Variants in ZNF534 observed in about 807,000 individuals in gnomAD.
ZNF534 encodes the protein KRAB domain only 3.
ZNF534 carries 19 observed loss-of-function variants against 13.6 expected under a neutral mutation model. The ratio of observed to expected loss-of-function variants is 1.40; its 90% CI spans 0.97 to 2.05. ZNF534 has a LOEUF of 2.05. ZNF534 is among the 30% of genes most tolerant of loss of function. The pLI, the probability that ZNF534 is intolerant of heterozygous loss-of-function variation, is 0.00. For missense variants in ZNF534, 782 were observed against 796.3 expected, an observed-to-expected ratio of 0.98 and a Z score of 0.22; for synonymous variants, 244 against 273.8, an observed-to-expected ratio of 0.89 and a Z score of 1.07.
In ZNF534 at chr19:52,441,473, G is replaced by A. The variant is rs1015746213; in HGVS notation, c.*2027G>A. 9.2e-5 allele frequency among the ~76,000 whole-genome samples: 14 copies of A among 152,242 alleles called. No individual in the cohort carries two copies. Among genetic ancestry groups the A allele is most frequent in the African/African-American group, 3.4e-4 (14 of 41,534 alleles). ...GAGGCTGCAGTGAGTCATGTTTGCA[G>A]TACTGCACTCCAGCCTGGGTGACAG... On this transcript the variant is annotated 3_prime_UTR_variant, in exon 5 of 5. Transcript: ENST00000433050.
Position 52,438,985 on chromosome 19 carries a change from C to T in ZNF534, c.1525C>T (p.Leu509Phe). ...CAAGGTCTTCCGTCAGAATTCACAC[C>T]TTGCACAACATAGGGATATTCATAC... is the stretch of plus-strand genomic sequence containing the variant. ...CGKVFRQNSH[L>F]AQHRDIHTGE... Residue 509 changes from leucine to phenylalanine, a missense_variant, in exon 5 of 5, where the codon CTT (leucine) becomes TTT (phenylalanine). Leu to Phe is a conservative substitution (Grantham distance 22). Coordinates refer to ENST00000433050, the MANE Select transcript of ZNF534 (RefSeq NM_001143938.3). 6.2e-7 allele frequency: 1 copy of T among 1,604,326 alleles called. No homozygotes were observed. The highest frequency in any genetic ancestry group is 8.5e-7 in the Non-Finnish European group (1 of 1,174,874).
Position 52,439,560 on chromosome 19 carries a change from G to A in ZNF534, c.*114G>A, listed in dbSNP as rs1168816857. ...AGATTGAGACCATCCTGGCTAACAC[G>A]GTGAAACCCCATCTCTACTAAAAAT... On this transcript the variant is annotated 3_prime_UTR_variant, in exon 5 of 5. Coordinates refer to ENST00000433050, the MANE Select transcript of ZNF534 (RefSeq NM_001143938.3). 73 of 954,790 alleles carry A rather than the reference G, an allele frequency of 7.6e-5. 1 individual carries two copies. The highest frequency in any genetic ancestry group is 2.6e-4 in the South Asian group (12 of 45,390). 59.1% of individuals were successfully genotyped at this position (954,790 alleles called of 1,614,324 possible). A position where few individuals can be genotyped will look rare whatever the true frequency, so the allele number is the denominator to read the frequency against.
At chr19:52,430,457 A>G (rs1467083377) in intron 1 of ZNF534, among the ~76,000 whole-genome samples, 3 of 152,136 alleles carry the variant, frequency 2.0e-5, no homozygotes, top group Non-Finnish European at 4.4e-5. Context: ...AAAGGATTCT[A>G]CTATAGTCTA....
At position 52,437,854 on chromosome 19, in the gene ZNF534, T is replaced by C. The variant is rs755817570; in HGVS notation, c.394T>C (p.Cys132Arg). The change falls in exon 5 of 5, where the codon TGT becomes CGT. Residue 132 changes from cysteine to arginine, a missense_variant. Around this residue, in one of 5 missense-constraint regions of ZNF534, gnomAD observed 591 missense variants for 574.0 expected, o/e 1.03. Transcript: ENST00000433050. ...TCAAGCTGTAAGGAATATTTATGGA[T>C]GTAAGCATGTTGAGAAATCTATCAG... ...PFQAVRNIYGCKHVEKSISDN... is the reference protein window; with the variant it reads ...PFQAVRNIYGRKHVEKSISDN... 1 of 1,613,848 alleles carries C rather than the reference T, an allele frequency of 6.2e-7. No homozygotes were observed. The highest frequency in any genetic ancestry group is 2.2e-5 in the East Asian group (1 of 44,868).
exon 5 of ZNF534, chr19:52,451,916 AG>A: frequency 1.9e-6 from 1 of 515,624 alleles, no homozygotes; most frequent in East Asian, 4.4e-5. Context: ...GGGGATCAGG[AG>A]GTTTTGGCTC....
At chr19:52,450,683 T>C (rs1208191112) in intron 4 of ZNF534, among the ~76,000 whole-genome samples, 14 of 16,052 alleles carry the variant, frequency 8.7e-4, no homozygotes, top group East Asian at 7.9e-3. Context: ...TTTTTTTTTT[T>C]TGTTTTTGTT....
rs541520247 is a variant in ZNF534, at chr19:52,434,381, C to T, written c.142+300C>T. 2.2e-3 allele frequency among the ~76,000 whole-genome samples: 308 copies of T among 140,620 alleles called. 3 individuals carry two copies. The highest frequency in any genetic ancestry group is 7.8e-3 in the African/African-American group (295 of 37,642). The allele number at this position is 140,620 out of a possible 152,430, so 92.3% of individuals were successfully genotyped here. A position where few individuals can be genotyped will look rare whatever the true frequency, so the allele number is the denominator to read the frequency against. On this transcript the variant is annotated intron_variant, in intron 3 of 4. Transcript: ENST00000433050. ...TCGGGAGGCTGAGACAGGAGAATGG[C>T]GTGAACCCGGGAGGCGGAGCTTGCA...
intron 3 of ZNF534, 61 bp downstream of exon 3, chr19:52,434,142 C>T (rs907859189): frequency 6.4e-7 from 1 of 1,574,004 alleles, no homozygotes; most frequent in South Asian, 1.2e-5. Flanking sequence ...TGCATTTTCT[C>T]TTGTGTGTCT....
rs2059152892 is a variant in ZNF534, at chr19:52,439,081, A to G, written c.1621A>G (p.Arg541Gly). 3.1e-6 allele frequency: 5 copies of G among 1,593,440 alleles called. No homozygotes were observed. Among genetic ancestry groups the G allele is most frequent in the Non-Finnish European group, 4.3e-6 (5 of 1,169,394 alleles). Residue 541 changes from arginine (R) to glycine (G), a missense_variant, in exon 5 of 5, where the codon AGG (arginine) becomes GGG (glycine). Arg to Gly is a moderately radical substitution (Grantham distance 125). This residue lies in a region of ZNF534 where 591 missense variants were observed against 574.0 expected (regional missense o/e 1.03). Coordinates refer to ENST00000433050, the MANE Select transcript of ZNF534 (RefSeq NM_001143938.3). ...TCGGAATTCACACCTTGTGCGACAT[A>G]GGAATGTTCATACTGGAGAAAAGCC... Reference protein sequence around the residue: ...FRRNSHLVRHRNVHTGEKPYS... With the variant: ...FRRNSHLVRHGNVHTGEKPYS...
At chr19:52,449,047 T>C (rs192160018) in intron 4 of ZNF534, among the ~76,000 whole-genome samples, 5 of 152,300 alleles carry the variant, frequency 3.3e-5, no homozygotes, top group Admixed American at 6.5e-5. Flanking sequence ...TTCTACTCTC[T>C]ACCTCCATGA....
chr19:52,448,408 A>T (rs201146322), intron 4 of ZNF534, among the ~76,000 whole-genome samples: 2 of 104,388 alleles, frequency 1.9e-5, no homozygotes, highest in Admixed American at 9.9e-5. Flanking sequence ...AAAAAAAAAA[A>T]ATTATTTTTT....
intron 4 of ZNF534, chr19:52,451,064 C>T: frequency 1.5e-5 from 8 of 535,904 alleles, no homozygotes; most frequent in Non-Finnish European, 2.3e-5. Context: ...ATGTACATTG[C>T]GTTTGGTAGT....
chr19:52,438,822 C>G lies in ZNF534; in HGVS notation c.1362C>G (p.Thr454=), dbSNP rs374462017. 1.4e-3 allele frequency: 2,289 copies of G among 1,610,798 alleles called. 8 individuals carry two copies. The highest frequency in any genetic ancestry group is 1.8e-3 in the Non-Finnish European group (2,096 of 1,178,540). Residue 454 remains threonine (T), a synonymous_variant, in exon 5 of 5, where the codon ACC becomes ACG. Transcript: ENST00000433050. ...GKVFRHKSSL[T]YHCRIHTGEK... ...TCTTCAGGCACAAGTCTTCCCTAAC[C>G]TATCACTGTAGAATTCATACTGGAG... is the stretch of plus-strand genomic sequence containing the variant.
At position 52,437,852 on chromosome 19, in the gene ZNF534, G is replaced by A; in HGVS notation, c.392G>A (p.Gly131Glu). The A allele has an allele frequency of 6.2e-7, 1 of 1,613,808 alleles. No homozygotes were observed. Among genetic ancestry groups the A allele is most frequent in the Non-Finnish European group, 8.5e-7 (1 of 1,179,826 alleles). ...TTTCAAGCTGTAAGGAATATTTATG[G>A]ATGTAAGCATGTTGAGAAATCTATC... ...QPFQAVRNIY[G>E]CKHVEKSISD... The change falls in exon 5 of 5, where the codon GGA becomes GAA. Residue 131 changes from glycine (G) to glutamate (E), a missense_variant. Gly to Glu is a moderately conservative substitution (Grantham distance 98). This residue lies in a region of ZNF534 where 591 missense variants were observed against 574.0 expected (regional missense o/e 1.03). Transcript: ENST00000433050.
At chr19:52,445,714 CT>C (rs2059192254), downstream of ZNF534, among the ~76,000 whole-genome samples, 1 of 28,716 alleles carries the variant, frequency 3.5e-5, no homozygotes, top group African/African-American at 8.6e-5. Flanking sequence ...TCTTGGCTTC[CT>C]AATTTACTCT....
At chr19:52,445,095 C>T (rs911069379), downstream of ZNF534, among the ~76,000 whole-genome samples, 1 of 152,192 alleles carries the variant, frequency 6.6e-6, no homozygotes, top group African/African-American at 2.4e-5. Context: ...TTCCCAGTGC[C>T]TCTTGCAGCC....
chr19:52,444,541 G>T (rs2059187531), downstream of ZNF534, among the ~76,000 whole-genome samples: 1 of 152,032 alleles, frequency 6.6e-6, no homozygotes, highest in Non-Finnish European at 1.5e-5. Context: ...AGGATTAGGT[G>T]GGGGCAGGGC....
rs192550160 is a variant in ZNF534, at chr19:52,435,127, G to A, written c.189G>A (p.Lys63=). The A allele has an allele frequency of 3.0e-5, 48 of 1,613,322 alleles. No individual in the cohort carries two copies. Among genetic ancestry groups the A allele is most frequent in the Admixed American group, 5.0e-5 (3 of 59,964 alleles). ...GTGTTACCTCCATGTTGGAGCAAAA[G>A]AGAGATCCCTGGACTCTGCAGAGTG... is the stretch of plus-strand genomic sequence containing the variant. The part of the protein sequence containing the change: ...DLSVTSMLEQ[K]RDPWTLQSEV... Residue 63 remains lysine, a synonymous_variant, in exon 4 of 5, where the codon AAG becomes AAA. Transcript: ENST00000433050.
chr19:52,446,409 G>A (rs1296554936), downstream of ZNF534, among the ~76,000 whole-genome samples: 1 of 152,108 alleles, frequency 6.6e-6, no homozygotes, highest in Non-Finnish European at 1.5e-5. Flanking sequence ...ACCTAAAAAA[G>A]AGATTTTTGT....
Sources: allele counts gnomAD v4.1 joint callset (sites outside exome capture counted in the v4.1 genomes callset), GRCh38; gene constraint gnomAD v4.1.1; regional missense constraint gnomAD v4.1.1; transcripts MANE v1.5; gene names NCBI Gene and HGNC (gene_info 2026-07-23, HGNC 2026-07-21).